Variants in ST3GAL5 observed in about 807,000 individuals in gnomAD.
The protein encoded by ST3GAL5 is ST3 beta-galactoside alpha-2,3-sialyltransferase 5.
ST3GAL5 carries 25 observed loss-of-function variants against 46.1 expected under a neutral mutation model. The ratio of observed to expected loss-of-function variants is 0.54; its 90% CI spans 0.40 to 0.76. ST3GAL5 has a LOEUF of 0.76. ST3GAL5 is among the 30% of genes least tolerant of loss of function. The pLI, the probability that ST3GAL5 is intolerant of heterozygous loss-of-function variation, is 0.00. For missense variants in ST3GAL5, 431 were observed against 521.2 expected, an observed-to-expected ratio of 0.83 and a Z score of 1.69; for synonymous variants, 182 against 192.7, an observed-to-expected ratio of 0.94 and a Z score of 0.46.
At chr2:85,874,133 T>C (rs956191187) in intron 1 of ST3GAL5, among the ~76,000 whole-genome samples, 2 of 152,220 alleles carry the variant, frequency 1.3e-5, no homozygotes, top group Non-Finnish European at 2.9e-5. Flanking sequence ...ATTTTGACCA[T>C]CAACCAAGAT....
intron 4 of ST3GAL5, chr2:85,846,910 ATTTC>A: frequency 4.7e-6 from 1 of 214,740 alleles, no homozygotes; most frequent in African/African-American, 2.3e-5. Flanking sequence ...TCTTGCCAGA[ATTTC>A]AAAAAAGGAA....
At chr2:85,847,797 A>G in intron 4 of ST3GAL5, 64 bp downstream of exon 4, 1 of 1,565,830 alleles carries the variant, frequency 6.4e-7, no homozygotes, top group Non-Finnish European at 8.6e-7. Flanking sequence ...CCCTGCCTCA[A>G]AAAATAAAAT....
chr2:85,880,835 A>G, intron 1 of ST3GAL5: 1 of 504,338 alleles, frequency 2.0e-6, no homozygotes, highest in South Asian at 1.5e-5. Context: ...AAAGAAAAAA[A>G]AAAACTCTCA....
intron 1 of ST3GAL5, among the ~76,000 whole-genome samples, chr2:85,885,842 A>G (rs1324300492): frequency 6.6e-6 from 1 of 152,044 alleles, no homozygotes. Flanking sequence ...AAAAAGAAAA[A>G]AAAAACTGGA....
chr2:85,885,512 G>T (rs1687638454), intron 1 of ST3GAL5, among the ~76,000 whole-genome samples: 1 of 152,140 alleles, frequency 6.6e-6, no homozygotes, highest in Admixed American at 6.5e-5. Context: ...GAACAGTGAG[G>T]AACTACCAGT....
At chr2:85,877,048 A>C (rs1189846425) in intron 1 of ST3GAL5, among the ~76,000 whole-genome samples, 1 of 152,214 alleles carries the variant, frequency 6.6e-6, no homozygotes. Context: ...TTGTGCTGCC[A>C]TTCCATTGGT....
chr2:85,876,490 G>T (rs1686592249), intron 1 of ST3GAL5, among the ~76,000 whole-genome samples: 1 of 133,804 alleles, frequency 7.5e-6, no homozygotes, highest in Non-Finnish European at 1.6e-5. Context: ...TTGAGACGGA[G>T]TCTCACTCTG....
intron 3 of ST3GAL5, among the ~76,000 whole-genome samples, chr2:85,857,899 C>T (rs538309514): frequency 2.6e-5 from 4 of 152,288 alleles, no homozygotes; most frequent in East Asian, 1.9e-4. Flanking sequence ...GGGCAGCCCT[C>T]GCTCACTACA....
intron 1 of ST3GAL5, among the ~76,000 whole-genome samples, chr2:85,883,371 T>G (rs1687399074): frequency 6.6e-6 from 1 of 152,316 alleles, no homozygotes; most frequent in Non-Finnish European, 1.5e-5. Flanking sequence ...AGAAGTGCCT[T>G]TTGCCCTCCA....
At chr2:85,867,646 G>T (rs747771154) in intron 1 of ST3GAL5, 2 of 780,958 alleles carry the variant, frequency 2.6e-6, no homozygotes, top group Non-Finnish European at 4.8e-6. Flanking sequence ...ACAGGATAAT[G>T]GTTGCCCATG....
At chr2:85,880,540 T>C (rs1302044807) in intron 1 of ST3GAL5, among the ~76,000 whole-genome samples, 2 of 152,144 alleles carry the variant, frequency 1.3e-5, no homozygotes, top group Non-Finnish European at 2.9e-5. Flanking sequence ...AAAGCTCTCA[T>C]AGGCTGGGCA....
At chr2:85,888,184 C>T (rs1687974882) in intron 1 of ST3GAL5, 1 of 152,298 alleles carries the variant, frequency 6.6e-6, no homozygotes, top group Non-Finnish European at 1.5e-5. Flanking sequence ...GAGGCAAGGG[C>T]AGGGCTCCTC....
At chr2:85,840,608 C>A in intron 6 of ST3GAL5, 1 of 598,266 alleles carries the variant, frequency 1.7e-6, no homozygotes, top group Non-Finnish European at 3.0e-6. Context: ...TGTTCACACA[C>A]TTTCAAGGGG....
intron 1 of ST3GAL5, among the ~76,000 whole-genome samples, chr2:85,879,439 A>G (rs1333758417): frequency 6.6e-6 from 1 of 152,186 alleles, no homozygotes; most frequent in African/African-American, 2.4e-5. Context: ...GTGTCCCTCA[A>G]AGAGAAAGAG....
Position 85,839,661 on chromosome 2 carries a change from C to A in ST3GAL5, c.*483G>T. ...GGCCTCACGCCGCTGCATCGCAGAC[C>A]CAGTATCAGCAGCAGAGCTACGGAG... On this transcript the variant is annotated 3_prime_UTR_variant, in exon 7 of 7. Transcript: ENST00000638572. The A allele has an allele frequency of 4.2e-6, 1 of 238,224 alleles. No individual in the cohort carries two copies. Among genetic ancestry groups the A allele is most frequent in the Non-Finnish European group, 8.4e-6 (1 of 119,574 alleles). The allele number at this position is 238,224 out of a possible 1,614,324, so 14.8% of individuals were successfully genotyped here.
chr2:85,875,219 G>A (rs1037069247), intron 1 of ST3GAL5, among the ~76,000 whole-genome samples: 1 of 151,788 alleles, frequency 6.6e-6, no homozygotes, highest in African/African-American at 2.4e-5. Context: ...CACCACACCC[G>A]GCTACATTTT....
intron 1 of ST3GAL5, among the ~76,000 whole-genome samples, chr2:85,886,941 G>C (rs1055428542): frequency 1.3e-5 from 2 of 152,190 alleles, no homozygotes; most frequent in Non-Finnish European, 2.9e-5. Flanking sequence ...AGTGATCTCA[G>C]TCCTCCATCG....
In ST3GAL5 at chr2:85,880,204, C is replaced by G. The variant is rs1479750263; in HGVS notation, c.82+8620G>C. 2.6e-5 allele frequency among the ~76,000 whole-genome samples: 4 copies of G among 152,262 alleles called. No individual in the cohort carries two copies. In the East Asian group the frequency reaches 7.7e-4, roughly 29 times the overall value. On this transcript the variant is annotated intron_variant, in intron 1 of 6. Coordinates refer to ENST00000638572, the MANE Select transcript of ST3GAL5 (RefSeq NM_003896.4). ...GTGACAACCCGGAGTTTGGCAGGAC[C>G]TGGCAATTTAGGGTTGGAAGGAGAG...
rs751684241 is a variant in ST3GAL5 at position 85,847,851 on chromosome 2, A to C, written c.662+10T>G. 20 of 1,613,062 alleles carry C rather than the reference A, an allele frequency of 1.2e-5. No homozygotes were observed. Among genetic ancestry groups the C allele is most frequent in the South Asian group, 6.6e-5 (6 of 90,812 alleles). On this transcript the variant is annotated intron_variant, in intron 4 of 6. Transcript: ENST00000638572. The stretch of plus-strand genomic sequence containing the variant: ...ATAAGTAAACAAACAAACAAAAAAA[A>C]CCAATGTACCTTATCACAACATCGA...
Sources: gnomAD v4.1 joint callset for allele counts (sites outside exome capture counted in the v4.1 genomes callset) on GRCh38, gnomAD v4.1.1 for gene constraint, MANE v1.5 for transcripts, NCBI Gene and HGNC (gene_info 2026-07-23, HGNC 2026-07-21) for gene names.